The following PHF3 variants were observed in gnomAD, a reference collection of about 807,000 sequenced individuals.
PHF3 encodes PHD finger protein 3.
In PHF3, 41 loss-of-function variants were observed where a neutral mutation model predicts 178.4. The ratio of observed to expected loss-of-function variants is 0.23; its 90% CI spans 0.18 to 0.30. The LOEUF (loss-of-function observed/expected upper bound fraction) is 0.30. Among genes scored for constraint, PHF3 ranks in the 10% least tolerant of loss-of-function variants. The pLI, the probability that PHF3 is intolerant of heterozygous loss-of-function variation, is 1.00. For synonymous variants in PHF3, 842 were observed against 800.5 expected, an observed-to-expected ratio of 1.05 and a Z score of -0.88; for missense variants, 2,346 against 2,398.1, an observed-to-expected ratio of 0.98 and a Z score of 0.45.
chr6:63,685,546 A>G lies in PHF3; in HGVS notation c.1824A>G (p.Lys608=), dbSNP rs780583809. The G allele has an allele frequency of 1.2e-6, 2 of 1,614,064 alleles. No individual in the cohort carries two copies. Among genetic ancestry groups the G allele is most frequent in the South Asian group, 2.2e-5 (2 of 91,084 alleles). The change falls in exon 4 of 16, where the codon AAA becomes AAG. Residue 608 remains lysine, a synonymous_variant. Transcript: ENST00000262043. ...CACACGCTCATCCTGGTTGCTTGAA[A>G]GAACCTCATCATCCTGCACAAACTG... ...DKSHAHPGCL[K]EPHHPAQTGH... is the part of the protein sequence containing the mutation.
At position 63,721,844 on chromosome 6, in the gene PHF3, C is replaced by A. The variant is rs1439714983; in HGVS notation, c.*8136C>A. The A allele has an allele frequency of 6.7e-7, 1 of 1,485,856 alleles. No homozygotes were observed. The highest frequency in any genetic ancestry group is 1.4e-5 in the South Asian group (1 of 72,662). The allele number at this position is 1,485,856 out of a possible 1,614,324, so 92.0% of individuals were successfully genotyped here. The stretch of plus-strand genomic sequence containing the variant: ...GTTTGATTAGCAACAGTAAAAGTTT[C>A]CATTGAAAACTTTTGCTGTTTCTGG... On this transcript the variant is annotated 3_prime_UTR_variant, in exon 16 of 16. Coordinates refer to ENST00000262043, the MANE Select transcript of PHF3 (RefSeq NM_001370348.2).
intron 4 of PHF3, among the ~76,000 whole-genome samples, chr6:63,687,693 A>G (rs1257940246): frequency 6.6e-6 from 1 of 152,232 alleles, no homozygotes; most frequent in African/African-American, 2.4e-5. Context: ...GTTCCAGTCC[A>G]GTCTTCAGGA....
chr6:63,638,142 TTTG>T (rs1764427236), intron 1 of PHF3, among the ~76,000 whole-genome samples: 1 of 152,084 alleles, frequency 6.6e-6, no homozygotes, highest in African/African-American at 2.4e-5. Context: ...TCGAAAGGAA[TTTG>T]TCTTTAATCA....
At chr6:63,696,939 A>G (rs1281162510) in intron 6 of PHF3, among the ~76,000 whole-genome samples, 1 of 152,196 alleles carries the variant, frequency 6.6e-6, no homozygotes. Flanking sequence ...GATAACTCTC[A>G]GGGAGTTTTG....
At chr6:63,640,135 T>G (rs1322254605) in intron 1 of PHF3, among the ~76,000 whole-genome samples, 1 of 152,200 alleles carries the variant, frequency 6.6e-6, no homozygotes, top group Non-Finnish European at 1.5e-5. Flanking sequence ...TGCCAATAGA[T>G]TCTAACTAAC....
chr6:63,676,552 C>T (rs1219490459), intron 2 of PHF3, among the ~76,000 whole-genome samples: 1 of 152,102 alleles, frequency 6.6e-6, no homozygotes, highest in Non-Finnish European at 1.5e-5. Flanking sequence ...TGGAGATGGG[C>T]TTATGCTTCC....
Position 63,716,446 on chromosome 6 carries a change from T to G in PHF3, c.*2738T>G, listed in dbSNP as rs1041595168. ...GAGTCAGAAGACACAACCAAAAACC[T>G]GTAAGTTCTTTTGTACGGATTTGCA... On this transcript the variant is annotated 3_prime_UTR_variant, in exon 16 of 16. Coordinates refer to ENST00000262043, the MANE Select transcript of PHF3 (RefSeq NM_001370348.2). Among the ~76,000 whole-genome samples the G allele has an allele frequency of 6.6e-6, 1 of 152,136 alleles. No individual in the cohort carries two copies. The highest frequency in any genetic ancestry group is 6.6e-5 in the Admixed American group (1 of 15,254).
intron 2 of PHF3, among the ~76,000 whole-genome samples, chr6:63,670,976 G>GT (rs970160010): frequency 3.6e-4 from 55 of 152,012 alleles, no homozygotes; most frequent in African/African-American, 1.3e-3. Flanking sequence ...GTTTGTGTCT[G>GT]TTTTTTTCAT....
intron 1 of PHF3, among the ~76,000 whole-genome samples, chr6:63,637,961 A>C (rs1463949679): frequency 6.6e-6 from 1 of 152,150 alleles, no homozygotes; most frequent in Non-Finnish European, 1.5e-5. Flanking sequence ...TTTTGCATAC[A>C]CGTGAATTAT....
At chr6:63,657,335 ATTC>A (rs1561945031) in intron 2 of PHF3, among the ~76,000 whole-genome samples, 1 of 152,176 alleles carries the variant, frequency 6.6e-6, no homozygotes, top group Non-Finnish European at 1.5e-5. Context: ...CAGAGCCCCC[ATTC>A]TTTGCATTCA....
chr6:63,647,238 C>A (rs1480902608), intron 2 of PHF3, among the ~76,000 whole-genome samples: 1 of 151,822 alleles, frequency 6.6e-6, no homozygotes, highest in Admixed American at 6.6e-5. Context: ...CCTCCCAGCC[C>A]CTGAAATATT....
chr6:63,680,935 A>G (rs748186402), intron 3 of PHF3, among the ~76,000 whole-genome samples: 2 of 151,762 alleles, frequency 1.3e-5, no homozygotes, highest in Non-Finnish European at 2.9e-5. Flanking sequence ...TGTAGTTCCT[A>G]TTTCCTCTTT....
At position 63,713,370 on chromosome 6, in the gene PHF3, C is replaced by T; in HGVS notation, c.5782C>T (p.His1928Tyr). 1 of 1,613,886 alleles carries T rather than the reference C, an allele frequency of 6.2e-7. No individual in the cohort carries two copies. Among genetic ancestry groups the T allele is most frequent in the Non-Finnish European group, 8.5e-7 (1 of 1,179,938 alleles). The change falls in exon 16 of 16, where the codon CAC (histidine) becomes TAC (tyrosine). Residue 1928 changes from histidine to tyrosine, a missense_variant. Physicochemically the swap from His to Tyr is moderately conservative, Grantham distance 83. This residue lies in a region of PHF3 where 839 missense variants were observed against 806.9 expected (regional missense o/e 1.04). Transcript: ENST00000262043. Reference sequence around the variant, plus strand: ...CCGCCAGAGATTTTATAGTGATTCACACCATTTGAAAAGAGAGCGACATGA... The same window carrying T: ...CCGCCAGAGATTTTATAGTGATTCATACCATTTGAAAAGAGAGCGACATGA... ...GDRQRFYSDS[H>Y]HLKRERHEKE...
Position 63,714,001 on chromosome 6 carries a change from G to A in PHF3, c.*293G>A, listed in dbSNP as rs554627318. On this transcript the variant is annotated 3_prime_UTR_variant, in exon 16 of 16. Coordinates refer to ENST00000262043, the MANE Select transcript of PHF3 (RefSeq NM_001370348.2). ...ATGCAATAAAGGCTTAGAAATTTTA[G>A]TTTTATTCCTTAATTGGTAAATATG... The A allele has an allele frequency of 1.2e-4, 29 of 242,414 alleles. No homozygotes were observed. In the East Asian group the frequency reaches 1.8e-3, roughly 15 times the overall value. 15.0% of individuals were successfully genotyped at this position (242,414 alleles called of 1,614,324 possible).
At chr6:63,646,886 T>TC (rs1764813426) in intron 2 of PHF3, 91 bp downstream of exon 2, 4 of 581,078 alleles carry the variant, frequency 6.9e-6, no homozygotes, top group Non-Finnish European at 9.2e-6. Flanking sequence ...CTTTTTTTCT[T>TC]TTTTTTTTTT....
rs776534256 is a variant in PHF3 at position 63,713,002 on chromosome 6, T to C, written c.5414T>C (p.Leu1805Pro). Residue 1805 changes from leucine to proline, a missense_variant, in exon 16 of 16, where the codon CTT becomes CCT. Coordinates refer to ENST00000262043, the MANE Select transcript of PHF3 (RefSeq NM_001370348.2). Reference protein sequence around the residue: ...FSPMRPQQPNLQHLKSSPPGF... With the variant: ...FSPMRPQQPNPQHLKSSPPGF... The stretch of plus-strand genomic sequence containing the variant: ...CCCATGAGGCCACAGCAGCCCAACC[T>C]TCAGCATCTCAAGTCTAGCCCACCT... 29 of 1,613,954 alleles carry C rather than the reference T, an allele frequency of 1.8e-5. No homozygotes were observed. The highest frequency in any genetic ancestry group is 1.4e-5 in the Non-Finnish European group (17 of 1,179,920).
At chr6:63,653,873 G>T (rs1321925927) in intron 2 of PHF3, among the ~76,000 whole-genome samples, 2 of 152,210 alleles carry the variant, frequency 1.3e-5, no homozygotes, top group Non-Finnish European at 2.9e-5. Context: ...CGCTTTTCCT[G>T]TGTCTATTGA....
At chr6:63,682,923 C>G (rs1429651688) in intron 3 of PHF3, among the ~76,000 whole-genome samples, 1 of 151,904 alleles carries the variant, frequency 6.6e-6, no homozygotes, top group Non-Finnish European at 1.5e-5. Flanking sequence ...ATGAATAGAG[C>G]TGTAAATTAC....
chr6:63,684,971 A>C lies in PHF3; in HGVS notation c.1249A>C (p.Asn417His). 3.1e-6 allele frequency: 5 copies of C among 1,613,830 alleles called. No individual in the cohort carries two copies. The highest frequency in any genetic ancestry group is 4.2e-6 in the Non-Finnish European group (5 of 1,179,740). ...TAGGCAGTTGGAGAGCACTGAGTTT[A>C]ATAAATCAAACTTAGAGGTGGTTGA... ...SNRQLESTEF[N>H]KSNLEVVDTS... Residue 417 changes from asparagine to histidine, a missense_variant, in exon 4 of 16, where the codon AAT (asparagine) becomes CAT (histidine). Physicochemically the swap from Asn to His is moderately conservative, Grantham distance 68. Transcript: ENST00000262043.
Sources: gnomAD v4.1 joint callset for allele counts (sites outside exome capture counted in the v4.1 genomes callset) on GRCh38, gnomAD v4.1.1 for gene constraint, gnomAD v4.1.1 regional missense constraint, MANE v1.5 for transcripts, NCBI Gene and HGNC (gene_info 2026-07-23, HGNC 2026-07-21) for gene names.